CSMD3: variants seen among roughly 807,000 people sequenced by gnomAD.
The protein encoded by CSMD3 is CUB and Sushi multiple domains 3, also known as CUB and sushi domain-containing protein 3.
CSMD3 carries 177 observed loss-of-function variants against 435.2 expected under a neutral mutation model. That is an observed-to-expected ratio of 0.41 (90% CI 0.36 to 0.46). The LOEUF (loss-of-function observed/expected upper bound fraction) is 0.46, where lower values mean the gene tolerates loss of function less well. CSMD3 is among the 20% of genes least tolerant of loss of function. CSMD3 has a pLI of 0.34. For synonymous variants in CSMD3, 1,656 were observed against 1,520.5 expected, an observed-to-expected ratio of 1.09 and a Z score of -2.07; for missense variants, 4,265 against 4,504.6, an observed-to-expected ratio of 0.95 and a Z score of 1.52.
intron 4 of CSMD3, among the ~76,000 whole-genome samples, chr8:113,120,332 G>A (rs561323394): frequency 2.6e-5 from 4 of 151,960 alleles, no homozygotes; most frequent in Non-Finnish European, 5.9e-5. Flanking sequence ...TATATTCATT[G>A]TTTTCTAAAG....
At chr8:113,152,686 A>T (rs2091836223) in intron 4 of CSMD3, among the ~76,000 whole-genome samples, 1 of 152,050 alleles carries the variant, frequency 6.6e-6, no homozygotes, top group Non-Finnish European at 1.5e-5. Context: ...TGGTTAAAAA[A>T]ATTTGACTTT....
At chr8:112,996,330 A>T (rs1372693654) in intron 6 of CSMD3, among the ~76,000 whole-genome samples, 2 of 151,640 alleles carry the variant, frequency 1.3e-5, no homozygotes, top group African/African-American at 4.8e-5. Context: ...TAGATTCCAA[A>T]TATAAATAAG....
chr8:113,332,826 A>G (rs1280642130), intron 1 of CSMD3, among the ~76,000 whole-genome samples: 1 of 151,732 alleles, frequency 6.6e-6, no homozygotes, highest in African/African-American at 2.4e-5. Flanking sequence ...CAAAACAGCC[A>G]AAACAATTTG....
chr8:112,352,676 A>G (rs527429512), intron 38 of CSMD3, 142 bp from the exon 39 acceptor site: 1 of 743,024 alleles, frequency 1.3e-6, no homozygotes, highest in East Asian at 2.6e-5. Flanking sequence ...TCTGTGAACA[A>G]GATTTAACTG....
intron 10 of CSMD3, among the ~76,000 whole-genome samples, chr8:112,906,156 G>A (rs561492197): frequency 2.0e-5 from 3 of 151,276 alleles, no homozygotes; most frequent in South Asian, 2.1e-4. Flanking sequence ...TTAAGACACC[G>A]AATCTATGGC....
intron 45 of CSMD3, among the ~76,000 whole-genome samples, chr8:112,325,698 C>A (rs914648765): frequency 6.6e-6 from 1 of 151,766 alleles, no homozygotes; most frequent in African/African-American, 2.4e-5. Context: ...TGAGTATATA[C>A]GTATGATATA....
At chr8:113,159,408 T>C (rs555897142) in intron 4 of CSMD3, among the ~76,000 whole-genome samples, 7 of 151,954 alleles carry the variant, frequency 4.6e-5, no homozygotes, top group Non-Finnish European at 1.5e-5. Flanking sequence ...TTGCCATTTG[T>C]ATTTTGTTTT....
chr8:112,680,462 G>A (rs985949148), intron 16 of CSMD3, among the ~76,000 whole-genome samples: 12 of 152,056 alleles, frequency 7.9e-5, no homozygotes, highest in South Asian at 2.1e-4. Flanking sequence ...AATGGGCTCC[G>A]GCAAAAAGAA....
At chr8:113,305,924 A>G (rs190911537) in intron 2 of CSMD3, among the ~76,000 whole-genome samples, 6 of 152,308 alleles carry the variant, frequency 3.9e-5, no homozygotes, top group Non-Finnish European at 7.4e-5. Context: ...GTAGGGGGAT[A>G]CTAAACACAA....
chr8:113,401,173 T>G (rs2094508414), intron 1 of CSMD3, among the ~76,000 whole-genome samples: 1 of 151,744 alleles, frequency 6.6e-6, no homozygotes, highest in South Asian at 2.1e-4. Context: ...CATGCCTGAT[T>G]TGGATGGAGC....
At chr8:112,233,989 T>G (rs1038172111) in intron 68 of CSMD3, among the ~76,000 whole-genome samples, 1 of 152,164 alleles carries the variant, frequency 6.6e-6, no homozygotes, top group Non-Finnish European at 1.5e-5. Flanking sequence ...GTTCCAAAGA[T>G]TGAATTATAT....
intron 3 of CSMD3, among the ~76,000 whole-genome samples, chr8:113,263,140 T>G (rs2093440417): frequency 6.6e-6 from 1 of 152,012 alleles, no homozygotes; most frequent in African/African-American, 2.4e-5. Context: ...AAGAGCACAC[T>G]GCCAGAGATC....
intron 45 of CSMD3, among the ~76,000 whole-genome samples, chr8:112,326,403 G>T (rs1215447276): frequency 6.6e-6 from 1 of 152,166 alleles, no homozygotes; most frequent in Non-Finnish European, 1.5e-5. Context: ...TCGGTCTGCT[G>T]TTGGCTATTT....
chr8:113,172,545 C>T (rs1467526455), intron 4 of CSMD3, among the ~76,000 whole-genome samples: 1 of 152,116 alleles, frequency 6.6e-6, no homozygotes, highest in South Asian at 2.1e-4. Context: ...TTATTTAATC[C>T]TCACAAGAAA....
At chr8:112,227,917 C>A (rs1362127375) in intron 70 of CSMD3, among the ~76,000 whole-genome samples, 1 of 152,044 alleles carries the variant, frequency 6.6e-6, no homozygotes, top group Non-Finnish European at 1.5e-5. Flanking sequence ...TGGCGGGTAC[C>A]TGTAGTCCCA....
At chr8:112,985,116 G>A (rs2130986817) in intron 6 of CSMD3, among the ~76,000 whole-genome samples, 1 of 152,038 alleles carries the variant, frequency 6.6e-6, no homozygotes, top group African/African-American at 2.4e-5. Flanking sequence ...ATGTTTAATA[G>A]AGGATACAGT....
rs561422027 is a variant in CSMD3 at position 113,003,915 on chromosome 8, C to T, written c.1030+15152G>A. Among the ~76,000 whole-genome samples, 10 of 151,636 alleles carry T rather than the reference C, an allele frequency of 6.6e-5. No homozygotes were observed. The South Asian group carries it at 1.5e-3, about 22-fold the overall frequency. On this transcript the variant is annotated intron_variant, in intron 6 of 70. Coordinates refer to ENST00000297405, the MANE Select transcript of CSMD3 (RefSeq NM_198123.2). ...ACTTCTGTGAATACATTGGCCTTAC[C>T]GGATTAAAAAAAACATTTATTTTTC...
chr8:112,602,519 T>C (rs540651849), intron 22 of CSMD3, among the ~76,000 whole-genome samples: 149 of 147,546 alleles, frequency 1.0e-3, no homozygotes, highest in South Asian at 7.4e-3. Flanking sequence ...TGAGCCAAGA[T>C]AGTGCCATTG....
At chr8:113,396,665 A>G (rs1235676657) in intron 1 of CSMD3, among the ~76,000 whole-genome samples, 1 of 152,154 alleles carries the variant, frequency 6.6e-6, no homozygotes, top group Non-Finnish European at 1.5e-5. Flanking sequence ...TAAATGTTTT[A>G]AACAGTTGAT....
Sources: gnomAD v4.1 joint callset for allele counts (sites outside exome capture counted in the v4.1 genomes callset) on GRCh38, gnomAD v4.1.1 for gene constraint, MANE v1.5 for transcripts, NCBI Gene and HGNC (gene_info 2026-07-23, HGNC 2026-07-21) for gene names.